SAMD3: variants seen among roughly 807,000 people sequenced by gnomAD.
SAMD3 encodes sterile alpha motif domain containing 3, also known as sterile alpha motif domain-containing protein 3.
SAMD3 carries 63 observed loss-of-function variants against 58.5 expected under a neutral mutation model. That is an observed-to-expected ratio of 1.08 (90% CI 0.88 to 1.33). The LOEUF is 1.33. Ranked by LOEUF, SAMD3 falls within the 40% of genes most tolerant of loss-of-function variation. The probability of loss-of-function intolerance (pLI) is 0.00; values close to 1 mark genes in which losing one functional copy is unlikely to be tolerated. For synonymous variants in SAMD3, 220 were observed against 210.3 expected, an observed-to-expected ratio of 1.05 and a Z score of -0.40; for missense variants, 604 against 608.4, an observed-to-expected ratio of 0.99 and a Z score of 0.08.
intron 2 of SAMD3, among the ~76,000 whole-genome samples, chr6:130,256,977 G>A (rs1003751130): frequency 1.3e-5 from 2 of 152,126 alleles, no homozygotes; most frequent in Non-Finnish European, 2.9e-5. Flanking sequence ...TATTTTCTGT[G>A]TCCTTGCTAA....
exon 1 of SAMD3, chr6:130,365,354 C>CG (rs1778107562): frequency 1.0e-6 from 1 of 985,534 alleles, no homozygotes; most frequent in Admixed American, 6.1e-5. Context: ...CTCGCCCCCC[C>CG]AAGCCGTTCT....
chr6:130,352,517 C>T (rs900190203), intron 1 of SAMD3, among the ~76,000 whole-genome samples: 4 of 150,838 alleles, frequency 2.7e-5, no homozygotes, highest in African/African-American at 4.9e-5. Context: ...TCAAAGGGAC[C>T]CCAAATACCC....
intron 1 of SAMD3, among the ~76,000 whole-genome samples, chr6:130,349,730 A>G (rs1777592691): frequency 6.6e-6 from 1 of 152,252 alleles, no homozygotes; most frequent in South Asian, 2.1e-4. Flanking sequence ...TGAGGCCAGC[A>G]TCATCTTGAT....
intron 2 of SAMD3, among the ~76,000 whole-genome samples, chr6:130,257,777 A>T (rs1773974031): frequency 6.6e-6 from 1 of 152,186 alleles, no homozygotes; most frequent in South Asian, 2.1e-4. Context: ...CACCCAGCAA[A>T]TAAACAATAA....
intron 2 of SAMD3, among the ~76,000 whole-genome samples, chr6:130,259,729 T>C (rs1314364549): frequency 6.6e-6 from 1 of 152,194 alleles, no homozygotes; most frequent in Non-Finnish European, 1.5e-5. Flanking sequence ...TTGAGATAAC[T>C]GTGCACTCAT....
At chr6:130,215,726 G>A in intron 2 of SAMD3, 2 of 1,485,622 alleles carry the variant, frequency 1.3e-6, no homozygotes, top group Non-Finnish European at 9.0e-7. Context: ...GAGAGGAAGG[G>A]AGGAAGGATC....
At chr6:130,298,976 C>A (rs765715935) in intron 2 of SAMD3, among the ~76,000 whole-genome samples, 73 of 152,150 alleles carry the variant, frequency 4.8e-4, no homozygotes, top group Non-Finnish European at 9.4e-4. Flanking sequence ...TTCTACTAGA[C>A]CTAAAGAGAA....
chr6:130,168,091 G>T (rs1790888968), intron 8 of SAMD3, among the ~76,000 whole-genome samples: 1 of 152,178 alleles, frequency 6.6e-6, no homozygotes, highest in Non-Finnish European at 1.5e-5. Context: ...ACCTGCAGAA[G>T]TTCTGCAGCT....
intron 1 of SAMD3, among the ~76,000 whole-genome samples, chr6:130,359,507 G>C (rs1297706960): frequency 6.6e-6 from 1 of 152,154 alleles, no homozygotes; most frequent in African/African-American, 2.4e-5. Context: ...ATCTTTCAGA[G>C]CCAAGATCTT....
chr6:130,151,288 C>T (rs937942117), intron 9 of SAMD3, among the ~76,000 whole-genome samples: 1 of 152,014 alleles, frequency 6.6e-6, no homozygotes, highest in East Asian at 1.9e-4. Context: ...GGATCAGGGT[C>T]CTGCATTGCC....
At position 130,327,772 on chromosome 6, in the gene SAMD3, C is replaced by T. The variant is rs538089528; in HGVS notation, c.-303-14679G>A. 2.6e-5 allele frequency among the ~76,000 whole-genome samples: 4 copies of T among 152,210 alleles called. No homozygotes were observed. In the South Asian group the frequency reaches 8.3e-4, roughly 32 times the overall value. On this transcript the variant is annotated intron_variant, in intron 1 of 13. Transcript: ENST00000368134. ...ATGCTAAATGTAAGATACTTTTTAA[C>T]ATTTTGTCATTTTAATACTCAGAAG... is the stretch of plus-strand genomic sequence containing the variant.
At chr6:130,181,925 C>A (rs893257393) in intron 7 of SAMD3, among the ~76,000 whole-genome samples, 6 of 151,856 alleles carry the variant, frequency 4.0e-5, no homozygotes, top group African/African-American at 1.5e-4. Flanking sequence ...ATTACCTGGG[C>A]GTGGTGGGGG....
chr6:130,316,900 T>C (rs1048318604), intron 1 of SAMD3, among the ~76,000 whole-genome samples: 3 of 152,238 alleles, frequency 2.0e-5, no homozygotes, highest in East Asian at 1.9e-4. Context: ...AGACAAAATA[T>C]TGTAAACCTG....
chr6:130,281,399 G>A (rs182181886), intron 2 of SAMD3, among the ~76,000 whole-genome samples: 2 of 152,088 alleles, frequency 1.3e-5, no homozygotes, highest in African/African-American at 4.8e-5. Flanking sequence ...GTTAAATTAG[G>A]GTTAGAGGTG....
chr6:130,214,253 G>A (rs1383622872), intron 4 of SAMD3, 84 bp downstream of exon 4: 6 of 1,132,978 alleles, frequency 5.3e-6, no homozygotes, highest in Non-Finnish European at 7.2e-6. Flanking sequence ...AGTTTTCCAA[G>A]GGCTTTAAAC....
intron 2 of SAMD3, among the ~76,000 whole-genome samples, chr6:130,285,999 A>G (rs1326494172): frequency 2.0e-5 from 3 of 152,228 alleles, no homozygotes; most frequent in Non-Finnish European, 4.4e-5. Flanking sequence ...TTGGGTACAT[A>G]TATCTGTCTA....
intron 5 of SAMD3, among the ~76,000 whole-genome samples, chr6:130,185,447 G>A (rs113055268): frequency 0.022 from 3,307 of 152,070 alleles, 115 homozygotes; most frequent in African/African-American, 0.073. Flanking sequence ...CCCTGCCTCA[G>A]CCTCCCAAGT....
intron 8 of SAMD3, chr6:130,159,425 C>A (rs1209740349): frequency 6.6e-6 from 1 of 152,442 alleles, no homozygotes; most frequent in Admixed American, 6.5e-5. Context: ...CAGACTAATA[C>A]AGAGGTACTT....
At chr6:130,163,199 C>T (rs1317673309) in intron 8 of SAMD3, among the ~76,000 whole-genome samples, 1 of 152,112 alleles carries the variant, frequency 6.6e-6, no homozygotes, top group African/African-American at 2.4e-5. Context: ...AGAATGATTA[C>T]ATGTTGAAAT....
Sources: gnomAD v4.1 joint callset for allele counts (sites outside exome capture counted in the v4.1 genomes callset) on GRCh38, gnomAD v4.1.1 for gene constraint, MANE v1.5 for transcripts, NCBI Gene and HGNC (gene_info 2026-07-23, HGNC 2026-07-21) for gene names.